The following RGS6 variants were observed in gnomAD, a reference collection of about 807,000 sequenced individuals.
The protein encoded by RGS6 is regulator of G-protein signaling 6.
In RGS6, 30 loss-of-function variants were observed where a neutral mutation model predicts 78.5. The ratio of observed to expected loss-of-function variants is 0.38; its 90% CI spans 0.29 to 0.52. The LOEUF is 0.52. Among genes scored for constraint, RGS6 ranks in the 20% least tolerant of loss-of-function variants. The probability of loss-of-function intolerance (pLI) is 0.85; values close to 1 mark genes in which losing one functional copy is unlikely to be tolerated. For synonymous variants in RGS6, 206 were observed against 206.0 expected (o/e 1.00, Z 0.00); for missense variants, 495 against 609.7 (o/e 0.81, Z 1.98).
chr14:72,603,738 G>C, the RGS6 span, among the ~76,000 whole-genome samples: 2 of 152,168 alleles, frequency 1.3e-5, no homozygotes, highest in Admixed American at 1.3e-4. Flanking sequence ...AGAAATGTTT[G>C]TAGGTGGAGA....
chr14:72,132,460 G>A (rs561693083), intron 2 of RGS6, among the ~76,000 whole-genome samples: 3 of 152,038 alleles, frequency 2.0e-5, no homozygotes, highest in African/African-American at 7.2e-5. Flanking sequence ...TCTATTTTTA[G>A]TAGAGACAGG....
chr14:72,166,812 A>G (rs1338432642), intron 2 of RGS6, among the ~76,000 whole-genome samples: 3 of 151,994 alleles, frequency 2.0e-5, no homozygotes, highest in Non-Finnish European at 4.4e-5. Context: ...CCACCATTCT[A>G]TTTTCTTCTC....
rs1340599622 is a variant in RGS6 at position 72,077,737 on chromosome 14, C to A, written c.84+112862C>A. On this transcript the variant is annotated intron_variant, in intron 2 of 17. Transcript: ENST00000553525. ...CCCTTTTGCTAAACAAATTTTCAGC[C>A]TCTTTTTCAATGATTATTTTTTCAA... is the stretch of plus-strand genomic sequence containing the variant. Among the ~76,000 whole-genome samples the A allele has an allele frequency of 2.6e-5, 4 of 152,104 alleles. No individual in the cohort carries two copies. The East Asian group carries it at 7.7e-4, about 29-fold the overall frequency.
intron 2 of RGS6, among the ~76,000 whole-genome samples, chr14:72,264,140 C>G (rs2238212): frequency 0.58 from 87,774 of 152,044 alleles, 25,894 homozygotes; most frequent in African/African-American, 0.7. Context: ...AAACACATTA[C>G]GAGAAAGGTT....
intron 3 of RGS6, among the ~76,000 whole-genome samples, chr14:72,444,462 G>A (rs574864269): frequency 7.9e-5 from 12 of 152,130 alleles, no homozygotes; most frequent in African/African-American, 2.7e-4. Flanking sequence ...CCAGGCCTTC[G>A]CTGCAGGTCT....
At chr14:72,465,626 A>ATGGATGGATGGG in intron 6 of RGS6, 132 bp from the exon 7 acceptor site, 1 of 557,246 alleles carries the variant, frequency 1.8e-6, no homozygotes. Flanking sequence ...GGATGGGTGG[A>ATGGATGGATGGG]TGGATGGATG....
At chr14:72,407,235 A>G (rs1014824980) in intron 3 of RGS6, among the ~76,000 whole-genome samples, 2 of 152,178 alleles carry the variant, frequency 1.3e-5, no homozygotes, top group African/African-American at 4.8e-5. Flanking sequence ...CTCTGTGTCC[A>G]TGCAGCATTG....
intron 1 of RGS6, among the ~76,000 whole-genome samples, chr14:71,948,613 C>G (rs2091881542): frequency 6.6e-6 from 1 of 152,130 alleles, no homozygotes; most frequent in Non-Finnish European, 1.5e-5. Context: ...TCCATGTTAT[C>G]TCTCTGAGAT....
the RGS6 span, among the ~76,000 whole-genome samples, chr14:72,582,645 A>G: frequency 1.3e-5 from 2 of 152,200 alleles, no homozygotes; most frequent in Admixed American, 1.3e-4. Context: ...CCAGACCCAT[A>G]CAATCAAATG....
At chr14:72,000,519 G>A (rs1028706421) in intron 2 of RGS6, among the ~76,000 whole-genome samples, 2 of 152,144 alleles carry the variant, frequency 1.3e-5, no homozygotes, top group African/African-American at 4.8e-5. Flanking sequence ...CATACAGGTG[G>A]ATAGAGAGCC....
chr14:72,438,868 G>A (rs532204653), intron 3 of RGS6, among the ~76,000 whole-genome samples: 2 of 152,340 alleles, frequency 1.3e-5, no homozygotes, highest in East Asian at 3.9e-4. Flanking sequence ...CACAGCCCCT[G>A]CCTTCCTGGT....
intron 2 of RGS6, among the ~76,000 whole-genome samples, chr14:72,114,151 G>A (rs948381849): frequency 2.0e-5 from 3 of 152,226 alleles, no homozygotes; most frequent in African/African-American, 4.8e-5. Flanking sequence ...TAGGGTGGAT[G>A]TATAAGTGTG....
chr14:72,629,663 C>T, the RGS6 span: 2 of 1,536,120 alleles, frequency 1.3e-6, no homozygotes, highest in Admixed American at 2.0e-5. Context: ...AGGATTTGCA[C>T]TCTATGCACT....
At chr14:72,304,688 G>A (rs1201956213) in intron 2 of RGS6, among the ~76,000 whole-genome samples, 1 of 152,090 alleles carries the variant, frequency 6.6e-6, no homozygotes, top group Non-Finnish European at 1.5e-5. Context: ...AGACCAGCCT[G>A]ACCAATATGG....
chr14:72,334,446 C>G (rs2075665762), intron 2 of RGS6, among the ~76,000 whole-genome samples: 1 of 152,214 alleles, frequency 6.6e-6, no homozygotes. Flanking sequence ...CCTCCCTTCC[C>G]CCTCATTTCT....
chr14:72,094,177 G>A (rs943031159), intron 2 of RGS6, among the ~76,000 whole-genome samples: 6 of 152,226 alleles, frequency 3.9e-5, no homozygotes, highest in African/African-American at 1.4e-4. Flanking sequence ...AACAATGGAA[G>A]CAATGTAAAG....
intron 2 of RGS6, among the ~76,000 whole-genome samples, chr14:72,280,777 G>C (rs904257440): frequency 1.3e-5 from 2 of 152,190 alleles, no homozygotes; most frequent in Non-Finnish European, 2.9e-5. Flanking sequence ...GAGGTTACTT[G>C]TCTGAGACCT....
the RGS6 span, among the ~76,000 whole-genome samples, chr14:71,903,151 G>A: frequency 6.6e-6 from 1 of 152,198 alleles, no homozygotes; most frequent in Non-Finnish European, 1.5e-5. Context: ...GGGAGTAAAG[G>A]CAGTGCTCCC....
chr14:72,412,727 A>T (rs574441308), intron 3 of RGS6, among the ~76,000 whole-genome samples: 2 of 152,290 alleles, frequency 1.3e-5, no homozygotes, highest in African/African-American at 4.8e-5. Flanking sequence ...TTCCCTCTAC[A>T]CACTGCTTTG....
Sources: allele counts gnomAD v4.1 joint callset (sites outside exome capture counted in the v4.1 genomes callset), GRCh38; gene constraint gnomAD v4.1.1; transcripts MANE v1.5; gene names NCBI Gene and HGNC (gene_info 2026-07-23, HGNC 2026-07-21).